The following PCDHGA8 variants were observed in gnomAD, a reference collection of about 807,000 sequenced individuals.
The protein encoded by PCDHGA8 is protocadherin gamma subfamily A, 8.
A neutral mutation model predicts 59.2 loss-of-function variants in PCDHGA8; 45 were observed. That is an observed-to-expected ratio of 0.76 (90% CI 0.60 to 0.98). The LOEUF (loss-of-function observed/expected upper bound fraction) is 0.98. Among genes scored for constraint, PCDHGA8 ranks in the 50% least tolerant of loss-of-function variants. The pLI is 0.00. For synonymous variants in PCDHGA8, 531 were observed against 519.0 expected (o/e 1.02, Z -0.32); for missense variants, 1,257 against 1,196.2 (o/e 1.05, Z -0.75).
At position 141,446,758 on chromosome 5, in the gene PCDHGA8, C is replaced by T. The variant is rs776925316; in HGVS notation, c.2425-48049C>T. Among the ~76,000 whole-genome samples, 10 of 152,208 alleles carry T rather than the reference C, an allele frequency of 6.6e-5. 1 individual carries two copies. Among genetic ancestry groups the T allele is most frequent in the African/African-American group, 9.7e-5 (4 of 41,448 alleles). On this transcript the variant is annotated intron_variant, in intron 1 of 3. Transcript: ENST00000398604. ...TGGGGATTACAGGCGTGAGCCACCG[C>T]GCCCAGCCGGTTACCATTCTTTTAC...
intron 1 of PCDHGA8, among the ~76,000 whole-genome samples, chr5:141,437,364 T>C (rs1026384836): frequency 6.6e-6 from 1 of 152,232 alleles, no homozygotes; most frequent in African/African-American, 2.4e-5. Flanking sequence ...AAAATTGGAA[T>C]GTAATCAGTC....
Position 141,394,139 on chromosome 5 carries a change from G to A in PCDHGA8, c.1326G>A (p.Val442=), listed in dbSNP as rs780148099. 1.7e-5 allele frequency: 27 copies of A among 1,613,788 alleles called. No individual in the cohort carries two copies. The African/African-American group carries it at 3.5e-4, about 21-fold the overall frequency. The change falls in exon 1 of 4, where the codon GTG becomes GTA. Residue 442 remains valine (V), a synonymous_variant. Coordinates refer to ENST00000398604, the MANE Select transcript of PCDHGA8 (RefSeq NM_032088.2). ...CTGAAACTCAAATCGCTCTGCACGTGGCAGACATTAACGACAACCCTCCTA... is the reference window on the plus strand; with the variant it reads ...CTGAAACTCAAATCGCTCTGCACGTAGCAGACATTAACGACAACCCTCCTA... ...LSTETQIALH[V]ADINDNPPTF...
chr5:141,422,908 C>G, intron 1 of PCDHGA8: 1 of 1,614,244 alleles, frequency 6.2e-7, no homozygotes, highest in Non-Finnish European at 8.5e-7. Flanking sequence ...CGACAATGCG[C>G]CCGAGATCCT....
chr5:141,511,400 T>A lies in PCDHGA8; in HGVS notation c.*227T>A, dbSNP rs1208021848. On this transcript the variant is annotated 3_prime_UTR_variant, in exon 4 of 4. Coordinates refer to ENST00000398604, the MANE Select transcript of PCDHGA8 (RefSeq NM_032088.2). ...AGTTCCGCTGGGAACCCCCATCCAA[T>A]CAACTGCTGTACCCATGGGGGTAGT... 1.1e-5 allele frequency: 11 copies of A among 982,132 alleles called. No individual in the cohort carries two copies. Among genetic ancestry groups the A allele is most frequent in the African/African-American group, 3.3e-5 (2 of 60,924 alleles). 60.8% of individuals were successfully genotyped at this position (982,132 alleles called of 1,614,324 possible).
intron 1 of PCDHGA8, among the ~76,000 whole-genome samples, chr5:141,435,715 A>T (rs528951395): frequency 5.9e-5 from 9 of 152,210 alleles, no homozygotes; most frequent in Non-Finnish European, 1.0e-4. Context: ...ACAGACACTG[A>T]ATGCTAAAGT....
chr5:141,491,714 C>T lies in PCDHGA8; in HGVS notation c.2425-3093C>T, dbSNP rs1321811999. 2 of 1,608,744 alleles carry T rather than the reference C, an allele frequency of 1.2e-6. No individual in the cohort carries two copies. Among genetic ancestry groups the T allele is most frequent in the Non-Finnish European group, 1.7e-6 (2 of 1,177,916 alleles). The stretch of plus-strand genomic sequence containing the variant: ...GAGCGGAGCCAGGTGAGGGGCTCGG[C>T]GCCGCCCCGGGCGACCCCTGGGGGC... On this transcript the variant is annotated intron_variant, in intron 1 of 3. Coordinates refer to ENST00000398604, the MANE Select transcript of PCDHGA8 (RefSeq NM_032088.2). The surrounding 1 kb of genome is among the most constrained non-coding windows in gnomAD (Gnocchi z 6.9).
Position 141,485,818 on chromosome 5 carries a change from C to A in PCDHGA8, c.2425-8989C>A, listed in dbSNP as rs757848513. The A allele has an allele frequency of 1.2e-6, 2 of 1,613,910 alleles. No individual in the cohort carries two copies. The highest frequency in any genetic ancestry group is 1.7e-6 in the Non-Finnish European group (2 of 1,179,974). On this transcript the variant is annotated intron_variant, in intron 1 of 3. Transcript: ENST00000398604. The surrounding 1 kb of genome is among the most constrained non-coding windows in gnomAD (Gnocchi z 5.7). ...ACTACCGCCTGGTGCTGACTGCTGT[C>A]GATGGAGGGAACCCGCCGAGATCTG...
chr5:141,484,958 G>C (rs2099604320), intron 1 of PCDHGA8: 1 of 575,756 alleles, frequency 1.7e-6, no homozygotes, highest in Non-Finnish European at 3.1e-6. Flanking sequence ...TATTGGCTGA[G>C]CCCGGGAGCC....
At chr5:141,508,718 G>T (rs2099871076) in intron 3 of PCDHGA8, among the ~76,000 whole-genome samples, 1 of 151,852 alleles carries the variant, frequency 6.6e-6, no homozygotes, top group Non-Finnish European at 1.5e-5. Flanking sequence ...TTTTCTGTGT[G>T]CAGGGAGACT....
Position 141,486,589 on chromosome 5 carries a change from C to T in PCDHGA8, c.2425-8218C>T. On this transcript the variant is annotated intron_variant, in intron 1 of 3. Transcript: ENST00000398604. The surrounding 1 kb of genome is among the most constrained non-coding windows in gnomAD (Gnocchi z 5.0). ...TTCCTGAGAACAATCGCCCAGGGGA[C>T]CTGCTTTGCTCCCTTGCAGCCTCTG... 1 of 1,613,676 alleles carries T rather than the reference C, an allele frequency of 6.2e-7. No individual in the cohort carries two copies. Among genetic ancestry groups the T allele is most frequent in the African/African-American group, 1.3e-5 (1 of 75,064 alleles).
chr5:141,409,082 T>C (rs1332697516), intron 1 of PCDHGA8: 6 of 1,613,878 alleles, frequency 3.7e-6, no homozygotes, highest in African/African-American at 1.3e-5. Context: ...TATGTTCTCA[T>C]TGGATGAGAA....
rs1317717658 is a variant in PCDHGA8, at chr5:141,476,494, G to A, written c.2425-18313G>A. On this transcript the variant is annotated intron_variant, in intron 1 of 3. Coordinates refer to ENST00000398604, the MANE Select transcript of PCDHGA8 (RefSeq NM_032088.2). The surrounding 1 kb of genome is among the most constrained non-coding windows in gnomAD (Gnocchi z 7.6). ...TGTTCAGCGTGGAAGTGGTGATCCA[G>A]GACATCAACGACAACAATCCTGCTT... The A allele has an allele frequency of 6.2e-7, 1 of 1,614,012 alleles. No individual in the cohort carries two copies. The highest frequency in any genetic ancestry group is 8.5e-7 in the Non-Finnish European group (1 of 1,179,988).
chr5:141,451,532 G>T (rs1168984212), intron 1 of PCDHGA8, among the ~76,000 whole-genome samples: 1 of 152,180 alleles, frequency 6.6e-6, no homozygotes, highest in African/African-American at 2.4e-5. Flanking sequence ...AAAGGAGAGT[G>T]CCAGAGAGGG....
chr5:141,494,891 C>G, intron 2 of PCDHGA8, 26 bp downstream of exon 2: 1 of 1,614,098 alleles, frequency 6.2e-7, no homozygotes. Flanking sequence ...TCCAGCCCAC[C>G]CTCTTCTCTG....
At chr5:141,429,105 C>G (rs936114624) in intron 1 of PCDHGA8, 1 of 152,318 alleles carries the variant, frequency 6.6e-6, no homozygotes, top group Non-Finnish European at 1.5e-5. Flanking sequence ...CTGCCCGCCT[C>G]GGCCTCCCAA....
At chr5:141,478,412 TC>T in intron 1 of PCDHGA8, 2 of 1,611,958 alleles carry the variant, frequency 1.2e-6, no homozygotes, top group Non-Finnish European at 1.7e-6. Flanking sequence ...CACCACGGAC[TC>T]CCGCCGCAGC....
In PCDHGA8 at chr5:141,449,878, A is replaced by G. The variant is rs536474516; in HGVS notation, c.2425-44929A>G. On this transcript the variant is annotated intron_variant, in intron 1 of 3. Transcript: ENST00000398604. ...ATAAAAATCAGAAAATTTAACATCA[A>G]TGCAATATAATTATTTAGCCTATAG... 6.6e-4 allele frequency among the ~76,000 whole-genome samples: 100 copies of G among 152,050 alleles called. 1 individual carries two copies. The highest frequency in any genetic ancestry group is 2.4e-3 in the African/African-American group (99 of 41,574).
In PCDHGA8 at chr5:141,392,870, G is replaced by T. The variant is rs757363357; in HGVS notation, c.57G>T (p.Leu19=). ...GCGAGCTGATCCTGCTGTGCGCGCT[G>T]CTGGGAACGCTGTGGGAAATCGGGA... The part of the protein sequence containing the change: ...RRGELILLCA[L]LGTLWEIGRG... The change falls in exon 1 of 4, where the codon CTG becomes CTT. Residue 19 remains leucine (L), a synonymous_variant. Transcript: ENST00000398604. 8 of 1,613,226 alleles carry T rather than the reference G, an allele frequency of 5.0e-6. No individual in the cohort carries two copies. The highest frequency in any genetic ancestry group is 6.8e-6 in the Non-Finnish European group (8 of 1,179,730).
At position 141,476,172 on chromosome 5, in the gene PCDHGA8, T is replaced by C; in HGVS notation, c.2425-18635T>C. 6.2e-7 allele frequency: 1 copy of C among 1,612,930 alleles called. No individual in the cohort carries two copies. The highest frequency in any genetic ancestry group is 1.1e-5 in the South Asian group (1 of 91,026). On this transcript the variant is annotated intron_variant, in intron 1 of 3. Coordinates refer to ENST00000398604, the MANE Select transcript of PCDHGA8 (RefSeq NM_032088.2). This position sits in a 1 kb window ranked among gnomAD's most constrained non-coding sequence, Gnocchi z 7.6. ...GTAAGCACCGGGAGGGTAGTGGGAG[T>C]TTTGCTTCTGCTTGGTGCCTTGAAC...
Sources: gnomAD v4.1 joint callset for allele counts (sites outside exome capture counted in the v4.1 genomes callset) on GRCh38, gnomAD v4.1.1 for gene constraint, Gnocchi (gnomAD v3.1) non-coding constraint, MANE v1.5 for transcripts, NCBI Gene and HGNC (gene_info 2026-07-23, HGNC 2026-07-21) for gene names.